Variants in AP4E1 observed in about 807,000 individuals in gnomAD.
The protein encoded by AP4E1 is AP-4 complex subunit epsilon-1.
A neutral mutation model predicts 128.2 loss-of-function variants in AP4E1; 56 were observed. The observed-to-expected ratio is 0.44, with a 90% CI of 0.35 to 0.55. The LOEUF (loss-of-function observed/expected upper bound fraction) is 0.55, where lower values mean the gene tolerates loss of function less well. Ranked by LOEUF, AP4E1 falls within the 20% of genes least tolerant of loss-of-function variation. The probability of loss-of-function intolerance (pLI) is 0.00; values close to 1 mark genes in which losing one functional copy is unlikely to be tolerated. For missense variants in AP4E1, 1,324 were observed against 1,307.7 expected, an observed-to-expected ratio of 1.01 and a Z score of -0.19; for synonymous variants, 484 against 473.1, an observed-to-expected ratio of 1.02 and a Z score of -0.30.
intron 8 of AP4E1, among the ~76,000 whole-genome samples, chr15:50,935,214 A>G (rs1371767801): frequency 6.6e-6 from 1 of 152,110 alleles, no homozygotes; most frequent in Non-Finnish European, 1.5e-5. Flanking sequence ...ATTGCAGGGC[A>G]TGGTGGGAGA....
intron 15 of AP4E1, among the ~76,000 whole-genome samples, chr15:50,973,279 A>G (rs2064507524): frequency 6.6e-6 from 1 of 152,234 alleles, no homozygotes; most frequent in South Asian, 2.1e-4. Flanking sequence ...AGTTAAGACA[A>G]CAACTAAACT....
intron 13 of AP4E1, among the ~76,000 whole-genome samples, chr15:50,951,457 G>A (rs2064148803): frequency 6.6e-6 from 1 of 152,082 alleles, no homozygotes; most frequent in African/African-American, 2.4e-5. Flanking sequence ...ACAATTTTGT[G>A]TAATGTAATC....
At chr15:50,953,293 C>A (rs892367777) in intron 13 of AP4E1, among the ~76,000 whole-genome samples, 2 of 152,022 alleles carry the variant, frequency 1.3e-5, no homozygotes, top group Admixed American at 6.6e-5. Flanking sequence ...TTTAGATTGT[C>A]TTTTATTTCT....
rs912467577 is a variant in AP4E1 at position 51,000,969 on chromosome 15, T to G, written c.3096-57T>G. 3.6e-6 allele frequency: 5 copies of G among 1,401,288 alleles called. No homozygotes were observed. In the Admixed American group the frequency reaches 6.9e-5, roughly 19 times the overall value. The allele number at this position is 1,401,288 out of a possible 1,614,324, so 86.8% of individuals were successfully genotyped here. ...TTCTCATGAGGCATTTGAAATTTGT[T>G]GTTTAGAATCATTTCACTGTTTTTG... On this transcript the variant is annotated intron_variant, in intron 19 of 20. Transcript: ENST00000261842.
chr15:50,972,936 A>G (rs2064501171), intron 15 of AP4E1, among the ~76,000 whole-genome samples: 1 of 152,220 alleles, frequency 6.6e-6, no homozygotes, highest in African/African-American at 2.4e-5. Context: ...TCTCAAGTGT[A>G]TTAGAATTCT....
In AP4E1 at chr15:50,908,960, C is replaced by A; in HGVS notation, c.150+32C>A. ...GCCCGCCGGCCCGGGAGCTCAGGGACATCGGAGTGAGGCCCCCGCGCCAGG... is the reference window on the plus strand; with the variant it reads ...GCCCGCCGGCCCGGGAGCTCAGGGAAATCGGAGTGAGGCCCCCGCGCCAGG... On this transcript the variant is annotated intron_variant, in intron 1 of 20. Coordinates refer to ENST00000261842, the MANE Select transcript of AP4E1 (RefSeq NM_007347.5). The A allele has an allele frequency of 1.9e-6, 3 of 1,608,820 alleles. No homozygotes were observed. The South Asian group carries it at 3.3e-5, about 18-fold the overall frequency.
chr15:50,968,452 A>ATCTTT, intron 15 of AP4E1, 75 bp downstream of exon 15: 15 of 1,038,930 alleles, frequency 1.4e-5, no homozygotes, highest in Admixed American at 2.0e-5. Flanking sequence ...GTAAGTAAAT[A>ATCTTT]AATAAAGATA....
At chr15:50,987,211 T>C (rs1319460222) in intron 16 of AP4E1, among the ~76,000 whole-genome samples, 4 of 152,214 alleles carry the variant, frequency 2.6e-5, no homozygotes, top group Non-Finnish European at 5.9e-5. Context: ...TTATTAGTCT[T>C]GCTAGCGGTC....
chr15:50,938,502 A>G (rs1236551684), intron 8 of AP4E1, among the ~76,000 whole-genome samples: 1 of 152,112 alleles, frequency 6.6e-6, no homozygotes, highest in Admixed American at 6.5e-5. Flanking sequence ...GAAGCCCAAG[A>G]GACAGCTGGA....
At chr15:51,000,317 T>G (rs1163809993) in intron 19 of AP4E1, among the ~76,000 whole-genome samples, 1 of 152,022 alleles carries the variant, frequency 6.6e-6, no homozygotes, top group Non-Finnish European at 1.5e-5. Context: ...ATTTTTGTGT[T>G]TTTTGTAGAG....
intron 14 of AP4E1, among the ~76,000 whole-genome samples, chr15:50,965,259 G>T (rs535527598): frequency 6.6e-6 from 1 of 152,168 alleles, no homozygotes; most frequent in East Asian, 1.9e-4. Flanking sequence ...CTGTAGAAAG[G>T]CTTTGCTGAG....
rs71127168 is a variant in AP4E1 at position 50,962,889 on chromosome 15, CAAAAA to C, written c.1851+4118_1851+4122del. On this transcript the variant is annotated intron_variant, in intron 14 of 20. Coordinates refer to ENST00000261842, the MANE Select transcript of AP4E1 (RefSeq NM_007347.5). Reference sequence around the variant, plus strand: ...ATATATAAGGAACTCAATTCAACAGCAAAAAAAAAAAAAAAAAAAAAAAAAAATCC... The same window carrying C: ...ATATATAAGGAACTCAATTCAACAGCAAAAAAAAAAAAAAAAAAAAAATCC... Among the ~76,000 whole-genome samples, 115 of 38,722 alleles carry C rather than the reference CAAAAA, an allele frequency of 3.0e-3. 1 individual carries two copies. Among genetic ancestry groups the C allele is most frequent in the African/African-American group, 9.8e-3 (86 of 8,732 alleles). The allele number at this position is 38,722 out of a possible 152,430, so 25.4% of individuals were successfully genotyped here.
At chr15:50,941,281 G>A (rs1180511537) in intron 8 of AP4E1, among the ~76,000 whole-genome samples, 161 bp from the exon 9 acceptor site, 1 of 152,090 alleles carries the variant, frequency 6.6e-6, no homozygotes, top group Non-Finnish European at 1.5e-5. Context: ...TAGTAACTGG[G>A]TAAGCCTGAA....
chr15:50,931,223 G>A (rs977637182), intron 7 of AP4E1, among the ~76,000 whole-genome samples: 13 of 152,104 alleles, frequency 8.5e-5, no homozygotes, highest in African/African-American at 2.2e-4. Context: ...TGATGCTTTC[G>A]TAATTGTTCT....
At chr15:50,913,766 A>T (rs2063594027) in intron 2 of AP4E1, among the ~76,000 whole-genome samples, 1 of 152,062 alleles carries the variant, frequency 6.6e-6, no homozygotes, top group Non-Finnish European at 1.5e-5. Flanking sequence ...GACTTCCAGT[A>T]TTTTTTGTTT....
chr15:50,926,681 C>T (rs2063773205), intron 5 of AP4E1, among the ~76,000 whole-genome samples: 1 of 151,856 alleles, frequency 6.6e-6, no homozygotes, highest in Non-Finnish European at 1.5e-5. Flanking sequence ...TCACTGCAAC[C>T]TCTGCCTCCC....
At position 50,982,468 on chromosome 15, in the gene AP4E1, T is replaced by A. The variant is rs1302528464; in HGVS notation, c.1967-1554T>A. Among the ~76,000 whole-genome samples, 4 of 152,218 alleles carry A rather than the reference T, an allele frequency of 2.6e-5. No homozygotes were observed. The East Asian group carries it at 7.7e-4, about 29-fold the overall frequency. ...TGAGACTTATTTTGAGCCCTACTCC[T>A]ATTCCTTCTATATCTGAATCTCTGT... On this transcript the variant is annotated intron_variant, in intron 15 of 20. Transcript: ENST00000261842.
At chr15:50,983,472 T>C (rs765078907) in intron 15 of AP4E1, among the ~76,000 whole-genome samples, 58 of 151,892 alleles carry the variant, frequency 3.8e-4, no homozygotes, top group Middle Eastern at 6.8e-3. Context: ...AAAGGGAGAG[T>C]GGATATTGGC....
chr15:50,997,750 A>G lies in AP4E1; in HGVS notation c.2771A>G (p.Asn924Ser). 4 of 1,613,642 alleles carry G rather than the reference A, an allele frequency of 2.5e-6. No homozygotes were observed. The highest frequency in any genetic ancestry group is 3.4e-6 in the Non-Finnish European group (4 of 1,179,844). ...IHSNAMEVCNNETISVSSYKI... is the reference protein window; with the variant it reads ...IHSNAMEVCNSETISVSSYKI... ...TCAAATGCTATGGAAGTCTGTAATA[A>G]TGAAACTATATCAGTGTCTTCTTAT... is the stretch of plus-strand genomic sequence containing the variant. Residue 924 changes from asparagine (N) to serine (S), a missense_variant, in exon 18 of 21, where the codon AAT (asparagine) becomes AGT (serine). Coordinates refer to ENST00000261842, the MANE Select transcript of AP4E1 (RefSeq NM_007347.5).
Sources: allele counts gnomAD v4.1 joint callset (sites outside exome capture counted in the v4.1 genomes callset), GRCh38; gene constraint gnomAD v4.1.1; transcripts MANE v1.5; gene names NCBI Gene and HGNC (gene_info 2026-07-23, HGNC 2026-07-21).